Variants in ESR2 observed in about 807,000 individuals in gnomAD.
ESR2 encodes estrogen receptor beta.
ESR2 carries 36 observed loss-of-function variants against 49.6 expected under a neutral mutation model. The ratio of observed to expected loss-of-function variants is 0.73; its 90% CI spans 0.56 to 0.96. ESR2 has a LOEUF of 0.96. ESR2 is among the 40% of genes least tolerant of loss of function. ESR2 has a pLI of 0.00. For synonymous variants in ESR2, 320 were observed against 266.1 expected (o/e 1.20, Z -1.97); for missense variants, 714 against 693.0 (o/e 1.03, Z -0.34).
intron 1 of ESR2, among the ~76,000 whole-genome samples, chr14:64,306,708 C>A (rs531368439): frequency 2.4e-4 from 36 of 152,260 alleles, no homozygotes; most frequent in African/African-American, 8.7e-4. Context: ...ATTTTTGCAC[C>A]TGTGTTCCTG....
chr14:64,283,141 A>C, intron 1 of ESR2, 66 bp from the exon 2 acceptor site: 1 of 616,998 alleles, frequency 1.6e-6, no homozygotes, highest in Non-Finnish European at 2.6e-6. Context: ...AAATTTAAAT[A>C]TTTTCATTAA....
At chr14:64,301,846 G>T (rs1305280257) in intron 1 of ESR2, among the ~76,000 whole-genome samples, 1 of 152,156 alleles carries the variant, frequency 6.6e-6, no homozygotes, top group African/African-American at 2.4e-5. Context: ...ATAAATAGTA[G>T]CTTGAAAACA....
At chr14:64,267,745 G>C (rs1043998518) in intron 4 of ESR2, among the ~76,000 whole-genome samples, 1 of 151,586 alleles carries the variant, frequency 6.6e-6, no homozygotes, top group African/African-American at 2.4e-5. Flanking sequence ...TTAGCCAGGC[G>C]TGGTGGTGGG....
chr14:64,246,763 A>AAAAAAAAAAAAAAAC (rs2075868695), intron 7 of ESR2, among the ~76,000 whole-genome samples: 1 of 144,272 alleles, frequency 6.9e-6, no homozygotes, highest in African/African-American at 2.6e-5. Context: ...AAAAAAAAAA[A>AAAAAAAAAAAAAAAC]AAAACACACC....
At chr14:64,308,347 G>A (rs551763448) in intron 1 of ESR2, among the ~76,000 whole-genome samples, 1 of 152,156 alleles carries the variant, frequency 6.6e-6, no homozygotes, top group South Asian at 2.1e-4. Context: ...AGTGCTACAA[G>A]ACTCCCTCTA....
At chr14:64,244,465 A>G (rs2075807626) in intron 7 of ESR2, among the ~76,000 whole-genome samples, 1 of 151,838 alleles carries the variant, frequency 6.6e-6, no homozygotes, top group Non-Finnish European at 1.5e-5. Context: ...CAATGTTGGC[A>G]GGCACCGTCC....
At chr14:64,238,142 C>T (rs141830684) in intron 7 of ESR2, among the ~76,000 whole-genome samples, 11 of 152,276 alleles carry the variant, frequency 7.2e-5, no homozygotes, top group Admixed American at 7.2e-4. Flanking sequence ...CTGTGTGCAA[C>T]GAAGTTTCCC....
chr14:64,310,047 C>T (rs543683702), intron 1 of ESR2, among the ~76,000 whole-genome samples: 3 of 152,078 alleles, frequency 2.0e-5, no homozygotes, highest in Non-Finnish European at 4.4e-5. Context: ...GATCACGCCA[C>T]TGTACTGCAG....
At chr14:64,320,464 C>G (rs2077312215) in intron 1 of ESR2, among the ~76,000 whole-genome samples, 1 of 152,000 alleles carries the variant, frequency 6.6e-6, no homozygotes, top group Non-Finnish European at 1.5e-5. Context: ...AGATGGAACA[C>G]AGGACATTTT....
intron 3 of ESR2, among the ~76,000 whole-genome samples, chr14:64,271,891 C>T (rs2076453843): frequency 6.6e-6 from 1 of 152,212 alleles, no homozygotes; most frequent in Non-Finnish European, 1.5e-5. Context: ...CTTCGATATA[C>T]TGATTTCCTT....
At position 64,249,636 on chromosome 14, in the gene ESR2, T is replaced by C. The variant is rs754008155; in HGVS notation, c.1135A>G (p.Met379Val). ...AACCTTGAAGTAGTTGCCAGGAGCA[T>C]GTCAAAGATTTCCAGAATTCCTTCT... ...CVEGILEIFD[M>V]LLATTSRFRE... The change falls in exon 7 of 9, where the codon ATG (methionine) becomes GTG (valine). Residue 379 changes from methionine (M) to valine (V), a missense_variant. By Grantham distance (21) the Met-to-Val change is conservative. Coordinates refer to ENST00000341099, the MANE Select transcript of ESR2 (RefSeq NM_001437.3). 1.9e-6 allele frequency: 3 copies of C among 1,613,848 alleles called. No individual in the cohort carries two copies. The highest frequency in any genetic ancestry group is 8.5e-7 in the Non-Finnish European group (1 of 1,179,952).
chr14:64,234,901 C>T, intron 8 of ESR2, 69 bp downstream of exon 8: 4 of 1,570,988 alleles, frequency 2.5e-6, no homozygotes, highest in Non-Finnish European at 3.5e-6. Context: ...TTTCCCAAAT[C>T]ACTTCACCCT....
chr14:64,269,031 C>T (rs1567761659), intron 3 of ESR2, 120 bp from the exon 4 acceptor site: 12 of 683,382 alleles, frequency 1.8e-5, no homozygotes, highest in Non-Finnish European at 2.9e-5. Flanking sequence ...TTCTTAATGA[C>T]CAGTACAGGT....
intron 1 of ESR2, among the ~76,000 whole-genome samples, chr14:64,290,082 G>T (rs1239185899): frequency 6.6e-6 from 1 of 151,994 alleles, no homozygotes; most frequent in Non-Finnish European, 1.5e-5. Flanking sequence ...AGCTTTTTTG[G>T]GGGGTGGGGG....
chr14:64,235,504 G>C (rs2075577884), intron 7 of ESR2, among the ~76,000 whole-genome samples: 1 of 152,256 alleles, frequency 6.6e-6, no homozygotes, highest in Non-Finnish European at 1.5e-5. Context: ...CAGAAAGTGA[G>C]ATTAATTCTA....
intron 1 of ESR2, among the ~76,000 whole-genome samples, chr14:64,335,047 C>A (rs2077511404): frequency 1.3e-5 from 2 of 152,238 alleles, no homozygotes; most frequent in Admixed American, 6.5e-5. Context: ...GTAATATATA[C>A]CTAGCACTGG....
intron 1 of ESR2, among the ~76,000 whole-genome samples, chr14:64,310,484 T>C (rs1395168909): frequency 6.6e-6 from 1 of 151,344 alleles, no homozygotes; most frequent in African/African-American, 2.4e-5. Context: ...TTTTTTTTTT[T>C]TTTTTAGACG....
upstream of ESR2, among the ~76,000 whole-genome samples, chr14:64,297,919 T>C (rs771806808): frequency 6.6e-6 from 1 of 152,156 alleles, no homozygotes; most frequent in Non-Finnish European, 1.5e-5. Context: ...ATTTATATTA[T>C]GTGGGTATAA....
chr14:64,252,178 T>A (rs964182946), intron 6 of ESR2, among the ~76,000 whole-genome samples: 1 of 151,968 alleles, frequency 6.6e-6, no homozygotes, highest in Non-Finnish European at 1.5e-5. Context: ...CCAGGCATGG[T>A]AGCATACACC....
Sources: allele counts gnomAD v4.1 joint callset (sites outside exome capture counted in the v4.1 genomes callset), GRCh38; gene constraint gnomAD v4.1.1; transcripts MANE v1.5; gene names NCBI Gene and HGNC (gene_info 2026-07-23, HGNC 2026-07-21).